FMNL2: variants seen among roughly 807,000 people sequenced by gnomAD.
FMNL2 encodes the protein formin like 2, also known as formin-like protein 2.
FMNL2 carries 51 observed loss-of-function variants against 130.2 expected under a neutral mutation model. The observed-to-expected ratio is 0.39, with a 90% CI of 0.31 to 0.49. FMNL2 has a LOEUF of 0.49. FMNL2 is among the 20% of genes least tolerant of loss of function. FMNL2 has a pLI of 0.85. For missense variants in FMNL2, 977 were observed against 1,316.2 expected, an observed-to-expected ratio of 0.74 and a Z score of 3.99; for synonymous variants, 465 against 467.1, an observed-to-expected ratio of 1.00 and a Z score of 0.06.
At chr2:152,589,531 GACAGAGACTGGTACTGTTCCCTAA>G (rs1410749369) in intron 9 of FMNL2, among the ~76,000 whole-genome samples, 1 of 152,192 alleles carries the variant, frequency 6.6e-6, no homozygotes, top group African/African-American at 2.4e-5. Flanking sequence ...CAGAACTTGA[GACAGAGACTGGTACTGTTCCCTAA>G]ACATGAGCTT....
intron 24 of FMNL2, among the ~76,000 whole-genome samples, chr2:152,640,509 G>A (rs1682990682): frequency 6.6e-6 from 1 of 152,164 alleles, no homozygotes; most frequent in Non-Finnish European, 1.5e-5. Context: ...GTGATCCTTG[G>A]CAACACAGTT....
At position 152,335,580 on chromosome 2, in the gene FMNL2, C is replaced by T. The variant is rs202079133; in HGVS notation, c.-24C>T. 3.8e-6 allele frequency: 6 copies of T among 1,568,094 alleles called. No homozygotes were observed. Among genetic ancestry groups the T allele is most frequent in the Non-Finnish European group, 5.2e-6 (6 of 1,153,094 alleles). On this transcript the variant is annotated 5_prime_UTR_variant, in exon 1 of 26. Transcript: ENST00000288670. Reference sequence around the variant, plus strand: ...GCGCACGCTAGGGGCCCGGAGCAGCCCCCGGCCCCGGCGCGCCGCCGACAT... The same window carrying T: ...GCGCACGCTAGGGGCCCGGAGCAGCTCCCGGCCCCGGCGCGCCGCCGACAT...
chr2:152,434,830 G>A (rs1687666783), intron 1 of FMNL2, among the ~76,000 whole-genome samples: 1 of 152,072 alleles, frequency 6.6e-6, no homozygotes, highest in Admixed American at 6.6e-5. Flanking sequence ...GGACTTGGGT[G>A]GGAATTCTTT....
chr2:152,532,545 A>G (rs1026279842), intron 2 of FMNL2, among the ~76,000 whole-genome samples: 7 of 151,264 alleles, frequency 4.6e-5, no homozygotes, highest in Non-Finnish European at 1.0e-4. Context: ...CCTGTTTGAC[A>G]TTTGTATATC....
intron 1 of FMNL2, among the ~76,000 whole-genome samples, chr2:152,430,405 G>A (rs1687432047): frequency 6.6e-6 from 1 of 152,264 alleles, no homozygotes; most frequent in East Asian, 1.9e-4. Flanking sequence ...TTGTGCTGAA[G>A]GTGTGTTAAC....
rs879684180 is a variant in FMNL2, at chr2:152,349,130, C to T, written c.117+13410C>T. Among the ~76,000 whole-genome samples the T allele has an allele frequency of 3.6e-4, 45 of 125,768 alleles. 3 individuals carry two copies. Among genetic ancestry groups the T allele is most frequent in the Admixed American group, 3.0e-3 (41 of 13,698 alleles). The allele number at this position is 125,768 out of a possible 152,430, so 82.5% of individuals were successfully genotyped here. A position where few individuals can be genotyped will look rare whatever the true frequency, so the allele number is the denominator to read the frequency against. On this transcript the variant is annotated intron_variant, in intron 1 of 25. Coordinates refer to ENST00000288670, the MANE Select transcript of FMNL2 (RefSeq NM_052905.4). The stretch of plus-strand genomic sequence containing the variant: ...GATTACAGGCGTGAGCCACCGCGCC[C>T]GGCCACTTCTAAGGGTTTTAAATAA...
chr2:152,576,474 T>C (rs1386175680), intron 7 of FMNL2, among the ~76,000 whole-genome samples: 1 of 152,206 alleles, frequency 6.6e-6, no homozygotes, highest in Non-Finnish European at 1.5e-5. Flanking sequence ...TTAAGTCATG[T>C]AAATAGCCCT....
intron 25 of FMNL2, among the ~76,000 whole-genome samples, chr2:152,646,374 A>T (rs727602): frequency 0.84 from 126,854 of 151,500 alleles, 54,104 homozygotes; most frequent in Non-Finnish European, 0.91. Flanking sequence ...GCAGGGTCAC[A>T]CAAATTCCAA....
chr2:152,449,089 T>C (rs938801920), intron 1 of FMNL2, among the ~76,000 whole-genome samples: 5 of 152,160 alleles, frequency 3.3e-5, no homozygotes, highest in Admixed American at 2.0e-4. Flanking sequence ...AGAAGGGGTG[T>C]TCAATATTTC....
chr2:152,589,298 C>T (rs1697254801), intron 9 of FMNL2, among the ~76,000 whole-genome samples: 1 of 148,442 alleles, frequency 6.7e-6, no homozygotes, highest in Non-Finnish European at 1.5e-5. Context: ...TTAAATGTAG[C>T]AGCCACTTAA....
chr2:152,510,288 C>T (rs1168038245), intron 1 of FMNL2, among the ~76,000 whole-genome samples: 1 of 152,156 alleles, frequency 6.6e-6, no homozygotes, highest in East Asian at 1.9e-4. Flanking sequence ...AATAATTATG[C>T]ACCATCTGAA....
intron 10 of FMNL2, among the ~76,000 whole-genome samples, chr2:152,609,147 C>T (rs1394969570): frequency 6.6e-6 from 1 of 152,218 alleles, no homozygotes; most frequent in Admixed American, 6.5e-5. Context: ...CCTGTACTAT[C>T]CATACACAAA....
chr2:152,620,226 C>A (rs1412984703), intron 15 of FMNL2, among the ~76,000 whole-genome samples: 1 of 152,038 alleles, frequency 6.6e-6, no homozygotes, highest in African/African-American at 2.4e-5. Flanking sequence ...TCGAGAACAT[C>A]AGAATTTGCT....
intron 1 of FMNL2, among the ~76,000 whole-genome samples, chr2:152,473,623 C>T (rs1430854839): frequency 1.3e-5 from 2 of 152,120 alleles, no homozygotes; most frequent in South Asian, 2.1e-4. Context: ...TTTGCATATA[C>T]TGTCCAAAAA....
intron 20 of FMNL2, among the ~76,000 whole-genome samples, chr2:152,631,392 CAAAAAA>C (rs33966314): frequency 1.3e-5 from 1 of 77,248 alleles, no homozygotes; most frequent in African/African-American, 5.4e-5. Flanking sequence ...GACTCCATCT[CAAAAAA>C]AAAAAAAAAA....
At chr2:152,438,244 A>G (rs944724923) in intron 1 of FMNL2, among the ~76,000 whole-genome samples, 1 of 152,252 alleles carries the variant, frequency 6.6e-6, no homozygotes, top group African/African-American at 2.4e-5. Context: ...GAAATGGTGT[A>G]ATGTATTATT....
At chr2:152,423,814 G>A (rs1250998228) in intron 1 of FMNL2, among the ~76,000 whole-genome samples, 1 of 152,140 alleles carries the variant, frequency 6.6e-6, no homozygotes, top group Non-Finnish European at 1.5e-5. Flanking sequence ...CTGGTCAAAA[G>A]GTCCTTGGTG....
intron 1 of FMNL2, among the ~76,000 whole-genome samples, chr2:152,418,671 A>G (rs1686747123): frequency 6.6e-6 from 1 of 152,232 alleles, no homozygotes; most frequent in African/African-American, 2.4e-5. Flanking sequence ...ACTCCATTGC[A>G]TGGATAGAAA....
chr2:152,590,980 CTTTTTTTTTTTTTTTTTTTTTTTTTTTT>C lies in FMNL2; in HGVS notation c.876+9948_876+9975del, dbSNP rs1158391663. On this transcript the variant is annotated intron_variant, in intron 9 of 25. Coordinates refer to ENST00000288670, the MANE Select transcript of FMNL2 (RefSeq NM_052905.4). ...CAGAGTTAGATTTTCCCTCTGATAA[CTTTTTTTTTTTTTTTTTTTTTTTTTTTT>C]TTTTTTTTTTTTTTTTGAGACAGCA... 9.0e-4 allele frequency among the ~76,000 whole-genome samples: 59 copies of C among 65,794 alleles called. 1 individual carries two copies. The South Asian group carries it at 0.033, about 36-fold the overall frequency. The allele number at this position is 65,794 out of a possible 152,430, so 43.2% of individuals were successfully genotyped here.
Sources: allele counts gnomAD v4.1 joint callset (sites outside exome capture counted in the v4.1 genomes callset), GRCh38; gene constraint gnomAD v4.1.1; transcripts MANE v1.5; gene names NCBI Gene and HGNC (gene_info 2026-07-23, HGNC 2026-07-21).